Variants in STXBP3 observed in about 807,000 individuals in gnomAD.
STXBP3 encodes the protein syntaxin binding protein 3.
In STXBP3, 41 loss-of-function variants were observed where a neutral mutation model predicts 85.7. The ratio of observed to expected loss-of-function variants is 0.48; its 90% CI spans 0.37 to 0.62. The LOEUF (loss-of-function observed/expected upper bound fraction) is 0.62, where lower values mean the gene tolerates loss of function less well. Ranked by LOEUF, STXBP3 falls within the 20% of genes least tolerant of loss-of-function variation. The probability of loss-of-function intolerance (pLI) is 0.00; values close to 1 mark genes in which losing one functional copy is unlikely to be tolerated. For synonymous variants in STXBP3, 229 were observed against 231.7 expected, an observed-to-expected ratio of 0.99 and a Z score of 0.10; for missense variants, 563 against 703.1, an observed-to-expected ratio of 0.80 and a Z score of 2.25.
chr1:108,803,874 C>T (rs1214909460), intron 17 of STXBP3, among the ~76,000 whole-genome samples: 1 of 152,194 alleles, frequency 6.6e-6, no homozygotes, highest in Admixed American at 6.5e-5. Context: ...GAGTTATGTT[C>T]AGTCAACACT....
chr1:108,798,060 A>G, intron 15 of STXBP3, 85 bp from the exon 16 acceptor site: 1 of 1,147,884 alleles, frequency 8.7e-7, no homozygotes, highest in South Asian at 1.5e-5. Context: ...TTACTGGTAA[A>G]TTAAATATCT....
intron 5 of STXBP3, among the ~76,000 whole-genome samples, chr1:108,759,489 G>A (rs542164658): frequency 3.7e-4 from 56 of 152,268 alleles, no homozygotes; most frequent in African/African-American, 1.3e-3. Context: ...TGATGAAAGG[G>A]GAAAAACACT....
intron 18 of STXBP3, among the ~76,000 whole-genome samples, chr1:108,808,289 G>A (rs574562218): frequency 3.9e-4 from 59 of 152,202 alleles, no homozygotes; most frequent in African/African-American, 1.3e-3. Context: ...AAGCAGAAGG[G>A]TCACTTGAGG....
At chr1:108,777,130 A>C (rs1662608881) in intron 8 of STXBP3, among the ~76,000 whole-genome samples, 2 of 152,170 alleles carry the variant, frequency 1.3e-5, no homozygotes, top group Non-Finnish European at 2.9e-5. Flanking sequence ...GCCATATTAC[A>C]GTAGCTGGAG....
In STXBP3 at chr1:108,746,744, C is replaced by G. The variant is rs1661788932; in HGVS notation, c.7C>G (p.Pro3Ala). 1 of 1,549,782 alleles carries G rather than the reference C, an allele frequency of 6.5e-7. No individual in the cohort carries two copies. Among genetic ancestry groups the G allele is most frequent in the Admixed American group, 2.0e-5 (1 of 50,944 alleles). Reference sequence around the variant, plus strand: ...GCTCCGCAGTGTCGGGAAGATGGCGCCGCCGGTGGCAGAGAGGGGGCTAAA... The same window carrying G: ...GCTCCGCAGTGTCGGGAAGATGGCGGCGCCGGTGGCAGAGAGGGGGCTAAA... MA[P>A]PVAERGLKSV... The change falls in exon 1 of 19, where the codon CCG (proline) becomes GCG (alanine). Residue 3 changes from proline to alanine, a missense_variant. Around this residue, in one of 3 missense-constraint regions of STXBP3, gnomAD observed 37 missense variants for 39.7 expected, o/e 0.93. Transcript: ENST00000370008.
chr1:108,794,124 T>C (rs1663039636), intron 12 of STXBP3, among the ~76,000 whole-genome samples: 1 of 152,224 alleles, frequency 6.6e-6, no homozygotes, highest in South Asian at 2.1e-4. Context: ...GTTAAAATAC[T>C]TGAAACATTT....
At chr1:108,769,516 G>A (rs1662337791) in intron 6 of STXBP3, among the ~76,000 whole-genome samples, 1 of 152,242 alleles carries the variant, frequency 6.6e-6, no homozygotes, top group East Asian at 1.9e-4. Context: ...GAAGGGATCT[G>A]GTAGAGATAG....
At chr1:108,790,625 A>G (rs971707552) in intron 11 of STXBP3, among the ~76,000 whole-genome samples, 7 of 151,666 alleles carry the variant, frequency 4.6e-5, no homozygotes, top group Non-Finnish European at 7.4e-5. Flanking sequence ...TTCATTTTTT[A>G]TATTCTATTC....
At position 108,759,043 on chromosome 1, in the gene STXBP3, G is replaced by A. The variant is rs1470865755; in HGVS notation, c.337+455G>A. The A allele has an allele frequency of 2.0e-5, 3 of 152,158 alleles. No individual in the cohort carries two copies. The East Asian group carries it at 5.8e-4, about 29-fold the overall frequency. The allele number at this position is 152,158 out of a possible 1,614,324, so 9.4% of individuals were successfully genotyped here. On this transcript the variant is annotated intron_variant, in intron 5 of 18. Transcript: ENST00000370008. ...TGGCAAATATAAAGGGAGAAAATCTGTCACATTTATCTTACTCTGCCATAT... is the reference window on the plus strand; with the variant it reads ...TGGCAAATATAAAGGGAGAAAATCTATCACATTTATCTTACTCTGCCATAT...
intron 17 of STXBP3, among the ~76,000 whole-genome samples, chr1:108,806,225 A>G (rs950523826): frequency 6.6e-6 from 1 of 152,190 alleles, no homozygotes; most frequent in African/African-American, 2.4e-5. Context: ...TTCTGCAGTG[A>G]TAGAAAGGTT....
chr1:108,764,272 A>G (rs1435227435), intron 6 of STXBP3, among the ~76,000 whole-genome samples: 1 of 152,088 alleles, frequency 6.6e-6, no homozygotes. Context: ...AGAGAGAGAT[A>G]CCACATTTTT....
At chr1:108,765,111 C>CCCAG in intron 6 of STXBP3, among the ~76,000 whole-genome samples, 1 of 152,238 alleles carries the variant, frequency 6.6e-6, no homozygotes, top group South Asian at 2.1e-4. Flanking sequence ...GGCCAGTTAT[C>CCCAG]CCAGCACCAT....
chr1:108,781,973 A>T (rs1662722773), intron 9 of STXBP3: 1 of 152,904 alleles, frequency 6.5e-6, no homozygotes, highest in African/African-American at 2.4e-5. Flanking sequence ...GGCCTCCGAA[A>T]GTGCTAAAAT....
intron 11 of STXBP3, among the ~76,000 whole-genome samples, chr1:108,786,097 A>AG (rs1188329525): frequency 1.3e-5 from 2 of 152,170 alleles, no homozygotes; most frequent in Non-Finnish European, 2.9e-5. Context: ...AAACTGTATT[A>AG]GTCCATTCTC....
intron 11 of STXBP3, among the ~76,000 whole-genome samples, chr1:108,791,128 A>C (rs1352008116): frequency 6.6e-6 from 1 of 152,122 alleles, no homozygotes; most frequent in Non-Finnish European, 1.5e-5. Context: ...CTGGATTTGG[A>C]ATTCAAAGTT....
At chr1:108,752,798 TTTGATG>T (rs1381856441) in intron 2 of STXBP3, among the ~76,000 whole-genome samples, 1 of 152,184 alleles carries the variant, frequency 6.6e-6, no homozygotes, top group Non-Finnish European at 1.5e-5. Flanking sequence ...TTTAAGAAAA[TTTGATG>T]TTAAACAGTG....
intron 12 of STXBP3, among the ~76,000 whole-genome samples, chr1:108,793,958 A>C (rs1221920034): frequency 6.6e-6 from 1 of 152,204 alleles, no homozygotes; most frequent in Admixed American, 6.5e-5. Context: ...GTTATTCTAC[A>C]TGTTTCTTTA....
chr1:108,756,124 T>TA (rs1269950747), intron 3 of STXBP3, among the ~76,000 whole-genome samples: 2 of 152,250 alleles, frequency 1.3e-5, no homozygotes, highest in Non-Finnish European at 2.9e-5. Flanking sequence ...GCTAATCTTA[T>TA]AAACTGCTTA....
At chr1:108,799,159 AT>A (rs2101135328) in intron 16 of STXBP3, among the ~76,000 whole-genome samples, 1 of 152,266 alleles carries the variant, frequency 6.6e-6, no homozygotes, top group East Asian at 1.9e-4. Flanking sequence ...TGGGGAGCTA[AT>A]TTGGTACAGT....
Sources: gnomAD v4.1 joint callset for allele counts (sites outside exome capture counted in the v4.1 genomes callset) on GRCh38, gnomAD v4.1.1 for gene constraint, gnomAD v4.1.1 regional missense constraint, MANE v1.5 for transcripts, NCBI Gene and HGNC (gene_info 2026-07-23, HGNC 2026-07-21) for gene names.